The following NCKAP5 variants were observed in gnomAD, a reference collection of about 807,000 sequenced individuals.
NCKAP5 encodes NCK associated protein 5.
A neutral mutation model predicts 167.0 loss-of-function variants in NCKAP5; 92 were observed. The observed-to-expected ratio is 0.55, with a 90% CI of 0.47 to 0.66. The LOEUF (loss-of-function observed/expected upper bound fraction) is 0.66. Ranked by LOEUF, NCKAP5 falls within the 30% of genes least tolerant of loss-of-function variation. The pLI, the probability that NCKAP5 is intolerant of heterozygous loss-of-function variation, is 0.00. For missense variants in NCKAP5, 2,378 were observed against 2,315.0 expected (o/e 1.03, Z -0.56); for synonymous variants, 891 against 877.4 (o/e 1.02, Z -0.27).
chr2:133,393,021 G>A (rs547387452), intron 3 of NCKAP5, among the ~76,000 whole-genome samples: 7 of 152,208 alleles, frequency 4.6e-5, no homozygotes, highest in East Asian at 3.9e-4. Flanking sequence ...GCCAGGATAC[G>A]CAACCCATCA....
chr2:133,103,979 A>C (rs1305136460), intron 6 of NCKAP5, among the ~76,000 whole-genome samples: 1 of 140,658 alleles, frequency 7.1e-6, no homozygotes, highest in Non-Finnish European at 1.7e-5. Flanking sequence ...AACTGAGGTG[A>C]CTTTTTTTTT....
intron 4 of NCKAP5, among the ~76,000 whole-genome samples, chr2:133,215,797 AGAAAT>A (rs1395635484): frequency 2.6e-5 from 4 of 152,150 alleles, no homozygotes; most frequent in African/African-American, 9.7e-5. Context: ...GACAAGAAAA[AGAAAT>A]AAAATACATG....
intron 3 of NCKAP5, among the ~76,000 whole-genome samples, chr2:133,346,327 T>C (rs1454397038): frequency 6.6e-6 from 1 of 152,158 alleles, no homozygotes; most frequent in African/African-American, 2.4e-5. Context: ...TATTAAGTGG[T>C]ATATTCCAAG....
chr2:133,436,671 T>C (rs1690500307), intron 3 of NCKAP5, among the ~76,000 whole-genome samples: 1 of 152,200 alleles, frequency 6.6e-6, no homozygotes, highest in African/African-American at 2.4e-5. Flanking sequence ...GAACCTCTAC[T>C]CATCCTGAGA....
chr2:132,887,155 A>G (rs1180329613), intron 8 of NCKAP5, among the ~76,000 whole-genome samples: 1 of 152,156 alleles, frequency 6.6e-6, no homozygotes, highest in Non-Finnish European at 1.5e-5. Context: ...AGTCTTTGAG[A>G]TTGCAAATAT....
At chr2:133,600,205 T>C in the NCKAP5 span, among the ~76,000 whole-genome samples, 1 of 152,338 alleles carries the variant, frequency 6.6e-6, no homozygotes, top group Middle Eastern at 3.4e-3. Flanking sequence ...TTAATTCAGC[T>C]CCTGGAATCA....
chr2:133,534,713 A>C (rs1054687566), intron 2 of NCKAP5, among the ~76,000 whole-genome samples: 1 of 152,168 alleles, frequency 6.6e-6, no homozygotes, highest in Non-Finnish European at 1.5e-5. Flanking sequence ...TGGGTATACC[A>C]TATTTTATTT....
intron 5 of NCKAP5, among the ~76,000 whole-genome samples, chr2:133,132,213 G>A (rs1254231299): frequency 2.0e-5 from 3 of 151,470 alleles, no homozygotes; most frequent in Non-Finnish European, 4.4e-5. Flanking sequence ...CTTGAACCCA[G>A]GAGGCGGAGG....
rs140032599 is a variant in NCKAP5 at position 133,182,986 on chromosome 2, C to T, written c.207+30730G>A. Among the ~76,000 whole-genome samples the T allele has an allele frequency of 8.6e-3, 1,303 of 152,220 alleles. 7 individuals carry two copies. The highest frequency in any genetic ancestry group is 0.013 in the Non-Finnish European group (871 of 67,984). Reference sequence around the variant, plus strand: ...TAAGAAAATACTATGAACAACACTGCATACATAAATTTGACAACTTTGATG... The same window carrying T: ...TAAGAAAATACTATGAACAACACTGTATACATAAATTTGACAACTTTGATG... On this transcript the variant is annotated intron_variant, in intron 5 of 19. Coordinates refer to ENST00000409261, the MANE Select transcript of NCKAP5 (RefSeq NM_207363.3).
chr2:132,859,859 A>G (rs1424732740), intron 11 of NCKAP5, among the ~76,000 whole-genome samples: 3 of 152,200 alleles, frequency 2.0e-5, no homozygotes, highest in African/African-American at 7.2e-5. Flanking sequence ...GTTTCCCTGC[A>G]GTGGGACATA....
At position 132,998,450 on chromosome 2, in the gene NCKAP5, C is replaced by T. The variant is rs539510057; in HGVS notation, c.342-4211G>A. ...TAATCAAAACCAATTACATTTCCCA[C>T]CCAAGTCTTGGAACAGAGTCACAGG... On this transcript the variant is annotated intron_variant, in intron 6 of 19. Transcript: ENST00000409261. Among the ~76,000 whole-genome samples the T allele has an allele frequency of 5.3e-5, 8 of 152,240 alleles. No homozygotes were observed. In the South Asian group the frequency reaches 1.7e-3, roughly 32 times the overall value.
At chr2:132,957,911 C>CT (rs554406883) in intron 8 of NCKAP5, among the ~76,000 whole-genome samples, 4 of 151,988 alleles carry the variant, frequency 2.6e-5, no homozygotes, top group Non-Finnish European at 5.9e-5. Context: ...AGATCATACT[C>CT]TTTTTTTGTA....
chr2:133,265,615 G>A (rs1185625829), intron 4 of NCKAP5, among the ~76,000 whole-genome samples: 1 of 152,214 alleles, frequency 6.6e-6, no homozygotes, highest in Non-Finnish European at 1.5e-5. Flanking sequence ...GAGCTGGGCG[G>A]GAGGTGGCAA....
intron 6 of NCKAP5, among the ~76,000 whole-genome samples, chr2:133,092,915 T>A (rs1341529439): frequency 6.6e-6 from 1 of 152,212 alleles, no homozygotes; most frequent in African/African-American, 2.4e-5. Context: ...CAAACCAGTA[T>A]AATCTGAGCA....
intron 6 of NCKAP5, among the ~76,000 whole-genome samples, chr2:133,015,885 A>G (rs183864089): frequency 6.6e-6 from 1 of 152,260 alleles, no homozygotes; most frequent in East Asian, 1.9e-4. Context: ...GCTTTTCCAG[A>G]ACTGAAACTG....
At chr2:132,937,244 T>C (rs1696923784) in intron 8 of NCKAP5, among the ~76,000 whole-genome samples, 1 of 152,124 alleles carries the variant, frequency 6.6e-6, no homozygotes. Context: ...GGAGTAGGCA[T>C]GGGCATGGTA....
chr2:132,808,428 C>T (rs571078405), intron 11 of NCKAP5, among the ~76,000 whole-genome samples: 1 of 152,186 alleles, frequency 6.6e-6, no homozygotes, highest in East Asian at 1.9e-4. Context: ...ATTACCAGTT[C>T]AATCTCACTG....
chr2:133,407,115 T>C (rs1688488526), intron 3 of NCKAP5, among the ~76,000 whole-genome samples: 1 of 152,202 alleles, frequency 6.6e-6, no homozygotes, highest in Non-Finnish European at 1.5e-5. Context: ...GCCTGAGTCT[T>C]GTAATGGGGA....
At chr2:133,143,416 G>C (rs2083073096) in intron 5 of NCKAP5, among the ~76,000 whole-genome samples, 1 of 152,082 alleles carries the variant, frequency 6.6e-6, no homozygotes, top group Non-Finnish European at 1.5e-5. Flanking sequence ...ATGATGTATT[G>C]ACAGGTATTG....
Sources: gnomAD v4.1 joint callset for allele counts (sites outside exome capture counted in the v4.1 genomes callset) on GRCh38, gnomAD v4.1.1 for gene constraint, MANE v1.5 for transcripts, NCBI Gene and HGNC (gene_info 2026-07-23, HGNC 2026-07-21) for gene names.